The following PCDHGB3 variants were observed in gnomAD, a reference collection of about 807,000 sequenced individuals.
PCDHGB3 encodes the protein protocadherin gamma-B3.
Under a neutral mutation model 59.2 loss-of-function variants are expected in PCDHGB3, and 40 were observed. The ratio of observed to expected loss-of-function variants is 0.68; its 90% confidence interval spans 0.52 to 0.88. The LOEUF (loss-of-function observed/expected upper bound fraction) is 0.88. PCDHGB3 is among the 40% of genes least tolerant of loss of function. The probability of loss-of-function intolerance (pLI) is 0.00; values close to 1 mark genes in which losing one functional copy is unlikely to be tolerated. For synonymous variants in PCDHGB3, 581 were observed against 503.6 expected, an observed-to-expected ratio of 1.15 and a Z score of -2.06; for missense variants, 1,309 against 1,187.9, an observed-to-expected ratio of 1.10 and a Z score of -1.50.
At position 141,478,334 on chromosome 5, in the gene PCDHGB3, C is replaced by T. The variant is rs1303200872; in HGVS notation, c.2416-16473C>T. 2.5e-6 allele frequency: 4 copies of T among 1,613,944 alleles called. No individual in the cohort carries two copies. The highest frequency in any genetic ancestry group is 3.4e-6 in the Non-Finnish European group (4 of 1,180,016). ...GAGCTCACTGTACCGAACACCAGGG[C>T]CCTCCTTGCACGCGGACGCCGTGCG... On this transcript the variant is annotated intron_variant, in intron 1 of 3. Coordinates refer to ENST00000576222, the MANE Select transcript of PCDHGB3 (RefSeq NM_018924.5).
Position 141,487,673 on chromosome 5 carries a change from C to T in PCDHGB3, c.2416-7134C>T. On this transcript the variant is annotated intron_variant, in intron 1 of 3. Transcript: ENST00000576222. The surrounding 1 kb of genome is among the most constrained non-coding windows in gnomAD (Gnocchi z 5.0). Reference sequence around the variant, plus strand: ...GGGTTATTCTGATCCAGGCATATGGCTAGGCCATGTCCTAGAGAGTACTGG... The same window carrying T: ...GGGTTATTCTGATCCAGGCATATGGTTAGGCCATGTCCTAGAGAGTACTGG... 6.2e-7 allele frequency: 1 copy of T among 1,611,456 alleles called. No homozygotes were observed. Among genetic ancestry groups the T allele is most frequent in the East Asian group, 2.2e-5 (1 of 44,852 alleles).
At chr5:141,509,163 C>T (rs561329093) in intron 3 of PCDHGB3, among the ~76,000 whole-genome samples, 1 of 152,204 alleles carries the variant, frequency 6.6e-6, no homozygotes, top group East Asian at 1.9e-4. Context: ...CTCCCGTGTG[C>T]CCTCCTCCTC....
intron 1 of PCDHGB3, among the ~76,000 whole-genome samples, chr5:141,433,974 C>A (rs1045247496): frequency 6.6e-6 from 1 of 152,026 alleles, no homozygotes; most frequent in Non-Finnish European, 1.5e-5. Context: ...GGCTTTCTAC[C>A]TTGAAGAAGA....
At chr5:141,472,295 A>G (rs147192748) in intron 1 of PCDHGB3, among the ~76,000 whole-genome samples, 8,225 of 152,254 alleles carry the variant, frequency 0.054, 462 homozygotes, top group African/African-American at 0.15. Flanking sequence ...TAATCCCAGC[A>G]CTTTGGGAAG....
At chr5:141,433,045 C>T (rs1183696623) in intron 1 of PCDHGB3, 1 of 1,614,196 alleles carries the variant, frequency 6.2e-7, no homozygotes, top group South Asian at 1.1e-5. Flanking sequence ...TCACCACGGA[C>T]TCGCGGAAGA....
Position 141,476,934 on chromosome 5 carries a change from A to G in PCDHGB3, c.2416-17873A>G, listed in dbSNP as rs199685528. On this transcript the variant is annotated intron_variant, in intron 1 of 3. Transcript: ENST00000576222. The surrounding 1 kb of genome is among the most constrained non-coding windows in gnomAD (Gnocchi z 7.6). ...CAAGTCCTTGCAACGGATCTGGATG[A>G]AGGCCCCAACGGTGAAATTATTTAC... 255 of 1,614,164 alleles carry G rather than the reference A, an allele frequency of 1.6e-4. 3 individuals carry two copies. In the South Asian group the frequency reaches 2.6e-3, roughly 16 times the overall value.
chr5:141,484,266 T>G (rs2099593967), intron 1 of PCDHGB3, among the ~76,000 whole-genome samples: 1 of 152,220 alleles, frequency 6.6e-6, no homozygotes, highest in Non-Finnish European at 1.5e-5. Flanking sequence ...ACACTGATTC[T>G]TTACTGTTTT....
intron 1 of PCDHGB3, among the ~76,000 whole-genome samples, chr5:141,456,135 G>A (rs1422353665): frequency 6.6e-6 from 1 of 152,052 alleles, no homozygotes; most frequent in Non-Finnish European, 1.5e-5. Context: ...CTGACCTCCT[G>A]ATCCGCCCGC....
chr5:141,490,120 G>A lies in PCDHGB3; in HGVS notation c.2416-4687G>A. On this transcript the variant is annotated intron_variant, in intron 1 of 3. Coordinates refer to ENST00000576222, the MANE Select transcript of PCDHGB3 (RefSeq NM_018924.5). This position sits in a 1 kb window ranked among gnomAD's most constrained non-coding sequence, Gnocchi z 5.4. ...ATCTGAGGCAGTGCGGAACCTCTTT[G>A]GCCTAGACCCTAGCAGTGGGGCAAT... 6.2e-7 allele frequency: 1 copy of A among 1,614,224 alleles called. No homozygotes were observed. Among genetic ancestry groups the A allele is most frequent in the East Asian group, 2.2e-5 (1 of 44,888 alleles).
chr5:141,507,151 G>C (rs1423834553), intron 3 of PCDHGB3: 2 of 152,192 alleles, frequency 1.3e-5, no homozygotes, highest in African/African-American at 4.8e-5. Context: ...TATTACCTGA[G>C]CAGGATGAGA....
At chr5:141,385,129 G>T in intron 1 of PCDHGB3, 1 of 1,614,200 alleles carries the variant, frequency 6.2e-7, no homozygotes, top group South Asian at 1.1e-5. Context: ...TGTGGGCATG[G>T]ACGGGGTGCA....
At chr5:141,399,722 A>G in intron 1 of PCDHGB3, 4 of 1,613,264 alleles carry the variant, frequency 2.5e-6, no homozygotes, top group Non-Finnish European at 3.4e-6. Context: ...CAGGCCCGCG[A>G]CCAGGGCTCG....
rs1212248484 is a variant in PCDHGB3 at position 141,393,163 on chromosome 5, T to C, written c.2415+20354T>C. ...CTGGTTGAGGATAAAGGAAAACTCT[T>C]TGGGGTAGAAATAGAAATAATTGAT... On this transcript the variant is annotated intron_variant, in intron 1 of 3. Transcript: ENST00000576222. 1.9e-6 allele frequency: 3 copies of C among 1,613,134 alleles called. No homozygotes were observed. In the Admixed American group the frequency reaches 5.0e-5, roughly 27 times the overall value.
intron 1 of PCDHGB3, chr5:141,405,580 G>T: frequency 1.7e-6 from 1 of 591,996 alleles, no homozygotes; most frequent in South Asian, 2.1e-5. Flanking sequence ...GAGTAGCTGG[G>T]ACTACAGGCC....
chr5:141,374,715 T>C (rs1260634763), intron 1 of PCDHGB3: 1 of 1,609,848 alleles, frequency 6.2e-7, no homozygotes, highest in Non-Finnish European at 8.5e-7. Context: ...TACCGCCTGG[T>C]CCTTACTGCC....
rs768383792 is a variant in PCDHGB3 at position 141,476,155 on chromosome 5, C to A, written c.2416-18652C>A. 1.2e-6 allele frequency: 2 copies of A among 1,612,382 alleles called. No homozygotes were observed. Among genetic ancestry groups the A allele is most frequent in the Non-Finnish European group, 1.7e-6 (2 of 1,179,764 alleles). On this transcript the variant is annotated intron_variant, in intron 1 of 3. Coordinates refer to ENST00000576222, the MANE Select transcript of PCDHGB3 (RefSeq NM_018924.5). This position sits in a 1 kb window ranked among gnomAD's most constrained non-coding sequence, Gnocchi z 7.6. ...CCTGGAGGAGCGGACTGGTAAGCAC[C>A]GGGAGGGTAGTGGGAGTTTTGCTTC... is the stretch of plus-strand genomic sequence containing the variant.
chr5:141,402,825 A>G, intron 1 of PCDHGB3: 1 of 1,320,620 alleles, frequency 7.6e-7, no homozygotes, highest in Non-Finnish European at 1.0e-6. Flanking sequence ...ACCTGCTCCC[A>G]GGCTGCAGCA....
At chr5:141,385,516 C>A in intron 1 of PCDHGB3, 1 of 1,367,218 alleles carries the variant, frequency 7.3e-7, no homozygotes, top group South Asian at 1.9e-5. Flanking sequence ...TAGTGAAAGC[C>A]TATGGACAAG....
At chr5:141,403,588 C>T in intron 1 of PCDHGB3, 1 of 1,613,904 alleles carries the variant, frequency 6.2e-7, no homozygotes, top group South Asian at 1.1e-5. Flanking sequence ...ACCTGGTCCT[C>T]ACGGCCTCGG....
Sources: allele counts gnomAD v4.1 joint callset (sites outside exome capture counted in the v4.1 genomes callset), GRCh38; gene constraint gnomAD v4.1.1; non-coding constraint Gnocchi (gnomAD v3.1); transcripts MANE v1.5; gene names NCBI Gene and HGNC (gene_info 2026-07-23, HGNC 2026-07-21).